The following MAGI1 variants were observed in gnomAD, a reference collection of about 807,000 sequenced individuals.
MAGI1 encodes membrane-associated guanylate kinase, WW and PDZ domain-containing protein 1.
A neutral mutation model predicts 139.9 loss-of-function variants in MAGI1; 58 were observed. The ratio of observed to expected loss-of-function variants is 0.41; its 90% CI spans 0.34 to 0.52. The LOEUF (loss-of-function observed/expected upper bound fraction) is 0.52. Ranked by LOEUF, MAGI1 falls within the 20% of genes least tolerant of loss-of-function variation. The probability of loss-of-function intolerance (pLI) is 0.12; values close to 1 mark genes in which losing one functional copy is unlikely to be tolerated. For synonymous variants in MAGI1, 812 were observed against 737.9 expected, an observed-to-expected ratio of 1.10 and a Z score of -1.63; for missense variants, 1,874 against 1,901.6, an observed-to-expected ratio of 0.99 and a Z score of 0.27.
chr3:65,970,629 C>G (rs1435596912), intron 1 of MAGI1, among the ~76,000 whole-genome samples: 1 of 151,942 alleles, frequency 6.6e-6, no homozygotes, highest in Non-Finnish European at 1.5e-5. Flanking sequence ...ATGGAACAAA[C>G]CTGAACCCAA....
chr3:65,473,846 A>C (rs1950707368), intron 4 of MAGI1, among the ~76,000 whole-genome samples: 1 of 152,128 alleles, frequency 6.6e-6, no homozygotes, highest in South Asian at 2.1e-4. Flanking sequence ...AGCTCAACAG[A>C]ATCTGAATCT....
intron 1 of MAGI1, among the ~76,000 whole-genome samples, chr3:65,857,999 T>G (rs1307015141): frequency 6.6e-6 from 1 of 152,090 alleles, no homozygotes; most frequent in Non-Finnish European, 1.5e-5. Context: ...GTCCCAGCTA[T>G]TCCAGAGGCT....
intron 10 of MAGI1, among the ~76,000 whole-genome samples, chr3:65,436,004 ACTCCACAGT>A (rs1227591752): frequency 6.6e-6 from 1 of 152,124 alleles, no homozygotes; most frequent in Admixed American, 6.6e-5. Flanking sequence ...AAAACTGAGG[ACTCCACAGT>A]CATGTTGATA....
chr3:65,987,143 C>T (rs1364093576), intron 1 of MAGI1, among the ~76,000 whole-genome samples: 1 of 152,198 alleles, frequency 6.6e-6, no homozygotes, highest in Non-Finnish European at 1.5e-5. Context: ...GCTGGGATTA[C>T]AGGCGTGAGC....
At chr3:65,633,177 C>T (rs2084410984) in intron 1 of MAGI1, among the ~76,000 whole-genome samples, 1 of 152,176 alleles carries the variant, frequency 6.6e-6, no homozygotes. Context: ...CTATTTCTCA[C>T]AGCAGGTCCT....
chr3:65,504,096 A>C (rs2077185134), intron 2 of MAGI1, among the ~76,000 whole-genome samples: 1 of 152,228 alleles, frequency 6.6e-6, no homozygotes, highest in Non-Finnish European at 1.5e-5. Context: ...ACAGCAGCTC[A>C]AGGAGCTGAT....
intron 2 of MAGI1, among the ~76,000 whole-genome samples, chr3:65,500,225 AC>A (rs758085539): frequency 6.6e-6 from 1 of 152,138 alleles, no homozygotes; most frequent in Non-Finnish European, 1.5e-5. Flanking sequence ...TAAACCCCAA[AC>A]TGCTCATCAC....
chr3:65,760,388 ATT>A (rs5849690), intron 1 of MAGI1, among the ~76,000 whole-genome samples: 98 of 145,180 alleles, frequency 6.8e-4, no homozygotes, highest in East Asian at 1.0e-3. Flanking sequence ...CAGAGCGGTA[ATT>A]TTTTTTTTTT....
intron 12 of MAGI1, among the ~76,000 whole-genome samples, chr3:65,404,908 G>C (rs1945209654): frequency 6.6e-6 from 1 of 152,214 alleles, no homozygotes. Flanking sequence ...TGTATGCCTT[G>C]TGGCAGCAGG....
chr3:65,582,666 T>A (rs1407049476), intron 2 of MAGI1, among the ~76,000 whole-genome samples: 1 of 152,178 alleles, frequency 6.6e-6, no homozygotes, highest in Non-Finnish European at 1.5e-5. Flanking sequence ...TGCATCCTGG[T>A]TACTTCAATT....
chr3:65,905,286 A>G (rs1175087885), intron 1 of MAGI1, among the ~76,000 whole-genome samples: 2 of 152,196 alleles, frequency 1.3e-5, no homozygotes, highest in East Asian at 3.9e-4. Flanking sequence ...AATGACCAGA[A>G]AAAACACAAG....
intron 1 of MAGI1, among the ~76,000 whole-genome samples, chr3:65,908,531 G>A (rs908163674): frequency 7.9e-5 from 12 of 152,084 alleles, no homozygotes; most frequent in Non-Finnish European, 1.6e-4. Flanking sequence ...TGATCCACCC[G>A]CCTCGGCCTC....
chr3:65,962,148 A>T (rs1255401650), intron 1 of MAGI1, among the ~76,000 whole-genome samples: 7 of 125,840 alleles, frequency 5.6e-5, no homozygotes, highest in African/African-American at 2.2e-4. Context: ...TTTTTGACGG[A>T]GTCTCTCTCT....
chr3:65,689,357 C>T (rs55792472), intron 1 of MAGI1, among the ~76,000 whole-genome samples: 20,209 of 152,150 alleles, frequency 0.13, 2,096 homozygotes, highest in East Asian at 0.43. Context: ...CTCAATTCTA[C>T]CAAAGTGTCC....
intron 12 of MAGI1, among the ~76,000 whole-genome samples, chr3:65,402,290 T>A (rs1317181861): frequency 6.6e-6 from 1 of 152,058 alleles, no homozygotes; most frequent in African/African-American, 2.4e-5. Flanking sequence ...GGTCATTGAA[T>A]CCAGCTGGCT....
intron 1 of MAGI1, among the ~76,000 whole-genome samples, chr3:65,957,013 T>A (rs956717205): frequency 6.6e-6 from 1 of 151,952 alleles, no homozygotes. Flanking sequence ...AAAAAAATTA[T>A]GTTATTGGGA....
chr3:65,979,767 C>T (rs1458724805), intron 1 of MAGI1, among the ~76,000 whole-genome samples: 1 of 152,122 alleles, frequency 6.6e-6, no homozygotes, highest in Non-Finnish European at 1.5e-5. Context: ...ATAGGACATG[C>T]CAATTACTCC....
chr3:65,642,185 A>G (rs1307350456), intron 1 of MAGI1, among the ~76,000 whole-genome samples: 1 of 152,158 alleles, frequency 6.6e-6, no homozygotes, highest in Admixed American at 6.6e-5. Context: ...TGAGCTGGGT[A>G]ATTATCTCGT....
chr3:65,559,345 C>A (rs1044861912), intron 2 of MAGI1, among the ~76,000 whole-genome samples: 1 of 152,162 alleles, frequency 6.6e-6, no homozygotes, highest in Non-Finnish European at 1.5e-5. Flanking sequence ...GAGGTTTTGA[C>A]CACAACTCTC....
Sources: gnomAD v4.1 joint callset for allele counts (sites outside exome capture counted in the v4.1 genomes callset) on GRCh38, gnomAD v4.1.1 for gene constraint, MANE v1.5 for transcripts, NCBI Gene and HGNC (gene_info 2026-07-23, HGNC 2026-07-21) for gene names.